Variants in PWWP3A observed in about 807,000 individuals in gnomAD.
PWWP3A encodes the protein PWWP domain-containing DNA repair factor 3A.
In PWWP3A, 53 loss-of-function variants were observed where a neutral mutation model predicts 79.0. The ratio of observed to expected loss-of-function variants is 0.67; its 90% confidence interval spans 0.54 to 0.84. PWWP3A has a LOEUF of 0.84. Among genes scored for constraint, PWWP3A ranks in the 40% least tolerant of loss-of-function variants. The pLI, the probability that PWWP3A is intolerant of heterozygous loss-of-function variation, is 0.00. For missense variants in PWWP3A, 973 were observed against 948.0 expected, an observed-to-expected ratio of 1.03 and a Z score of -0.35; for synonymous variants, 443 against 394.4, an observed-to-expected ratio of 1.12 and a Z score of -1.46.
chr19:1,372,019 T>A (rs1206335856), intron 12 of PWWP3A: 2 of 152,794 alleles, frequency 1.3e-5, no homozygotes, highest in African/African-American at 4.8e-5. Flanking sequence ...TTGGCCAGGA[T>A]GATCTTGATC....
At chr19:1,355,455 T>A in intron 1 of PWWP3A, among the ~76,000 whole-genome samples, 3 of 116,348 alleles carry the variant, frequency 2.6e-5, no homozygotes, top group East Asian at 2.4e-4. Flanking sequence ...ATCTCTTGCC[T>A]GGACCCCCAT....
intron 12 of PWWP3A, chr19:1,372,450 C>A (rs1568958714): frequency 6.7e-6 from 1 of 149,714 alleles, no homozygotes; most frequent in Non-Finnish European, 1.5e-5. Flanking sequence ...TCAGGATACT[C>A]TTTTTTTTTT....
chr19:1,368,457 G>A lies in PWWP3A; in HGVS notation c.1423-808G>A, dbSNP rs914491583. ...GTAGTCACCGTGGCTTCTGAGGGAT[G>A]ATATTGGGGAAGCCGTGCTTTAGGA... On this transcript the variant is annotated intron_variant, in intron 9 of 13. Transcript: ENST00000591337. This position sits in a 1 kb window ranked among gnomAD's most constrained non-coding sequence, Gnocchi z 4.7. Among the ~76,000 whole-genome samples the A allele has an allele frequency of 1.6e-4, 24 of 152,328 alleles. No homozygotes were observed. Among genetic ancestry groups the A allele is most frequent in the Admixed American group, 3.9e-4 (6 of 15,302 alleles).
chr19:1,357,379 G>T, intron 3 of PWWP3A: 2 of 217,606 alleles, frequency 9.2e-6, no homozygotes, highest in Non-Finnish European at 1.8e-5. Flanking sequence ...CCCTATTTGT[G>T]GTTAAAATAG....
chr19:1,355,509 C>T (rs1157677472), intron 1 of PWWP3A, among the ~76,000 whole-genome samples: 3 of 120,124 alleles, frequency 2.5e-5, no homozygotes, highest in Non-Finnish European at 5.2e-5. Context: ...AATCCCCCAT[C>T]CCTGCCACCT....
Position 1,371,048 on chromosome 19 carries a change from C to T in PWWP3A, c.1956C>T (p.Ile652=). The change falls in exon 12 of 14, where the codon ATC becomes ATT. Residue 652 remains isoleucine, a synonymous_variant. Coordinates refer to ENST00000591337, the MANE Select transcript of PWWP3A (RefSeq NM_001369789.1). ...TCCAGCGCACCAACGGCGACCGGAT[C>T]CGGTTCATTCTGGACGTGCTTCTGC... ...KVLQRTNGDR[I]RFILDVLLPE... 2.5e-6 allele frequency: 4 copies of T among 1,571,098 alleles called. No homozygotes were observed. Among genetic ancestry groups the T allele is most frequent in the Non-Finnish European group, 3.5e-6 (4 of 1,157,940 alleles).
At chr19:1,372,989 C>A in intron 12 of PWWP3A, 83 bp from the exon 13 acceptor site, 2 of 1,177,694 alleles carry the variant, frequency 1.7e-6, no homozygotes, top group Non-Finnish European at 2.5e-6. Context: ...GTGACCCAGG[C>A]TCCCTGCGGC....
Position 1,369,474 on chromosome 19 carries a change from G to T in PWWP3A, c.1499-122G>T, listed in dbSNP as rs1365074825. On this transcript the variant is annotated intron_variant, in intron 10 of 13. Coordinates refer to ENST00000591337, the MANE Select transcript of PWWP3A (RefSeq NM_001369789.1). The surrounding 1 kb of genome is among the most constrained non-coding windows in gnomAD (Gnocchi z 4.0). ...GGGCCTGGGGCATTCCCTGTGGGTG[G>T]GCTGGGGTTCTGGCCTGGCCTGATT... 2 of 1,490,006 alleles carry T rather than the reference G, an allele frequency of 1.3e-6. No individual in the cohort carries two copies. The highest frequency in any genetic ancestry group is 4.5e-5 in the East Asian group (2 of 44,162). 92.3% of individuals were successfully genotyped at this position (1,490,006 alleles called of 1,614,324 possible).
chr19:1,371,756 T>C (rs11882837), intron 12 of PWWP3A, among the ~76,000 whole-genome samples: 22 of 150,838 alleles, frequency 1.5e-4, no homozygotes, highest in African/African-American at 5.3e-4. Context: ...AACTCTAATG[T>C]GCCCATAACC....
chr19:1,366,581 G>C (rs937835801), intron 8 of PWWP3A, among the ~76,000 whole-genome samples, 200 bp downstream of exon 8: 4 of 152,234 alleles, frequency 2.6e-5, no homozygotes, highest in Admixed American at 6.5e-5. Flanking sequence ...GTCAGACAGA[G>C]GCTGGGTGTG....
chr19:1,365,188 T>C (rs888370095), intron 7 of PWWP3A, among the ~76,000 whole-genome samples: 15 of 152,242 alleles, frequency 9.9e-5, no homozygotes, highest in Non-Finnish European at 1.5e-4. Flanking sequence ...TTTCACCCCA[T>C]GAGAGCTCAT....
At chr19:1,362,051 C>T in intron 5 of PWWP3A, 199 bp from the exon 6 acceptor site, 3 of 408,594 alleles carry the variant, frequency 7.3e-6, no homozygotes, top group Non-Finnish European at 8.9e-6. Context: ...TTCCCTCCTT[C>T]CCTCCTTCCC....
chr19:1,357,855 G>C (rs2081915551), intron 3 of PWWP3A: 1 of 157,412 alleles, frequency 6.4e-6, no homozygotes, highest in Non-Finnish European at 1.4e-5. Context: ...CCAAGGCATT[G>C]GCTCCCCTGT....
At chr19:1,371,488 G>A (rs1163312186) in intron 12 of PWWP3A, 14 of 678,222 alleles carry the variant, frequency 2.1e-5, no homozygotes, top group Non-Finnish European at 2.4e-5. Context: ...ACTGTAAGTG[G>A]ATAATGCGCC....
At chr19:1,365,694 T>G (rs2082113575) in intron 7 of PWWP3A, among the ~76,000 whole-genome samples, 1 of 152,240 alleles carries the variant, frequency 6.6e-6, no homozygotes, top group Admixed American at 6.5e-5. Flanking sequence ...TGGTAGTCTT[T>G]CCCTTGTTTT....
At chr19:1,357,156 C>G in intron 3 of PWWP3A, 62 bp downstream of exon 3, 1 of 1,281,416 alleles carries the variant, frequency 7.8e-7, no homozygotes, top group Non-Finnish European at 1.1e-6. Context: ...ACTTCAATCC[C>G]CTACTCCCCC....
chr19:1,375,674 A>G (rs962071958), intron 13 of PWWP3A, among the ~76,000 whole-genome samples: 15 of 123,672 alleles, frequency 1.2e-4, no homozygotes, highest in Non-Finnish European at 2.0e-4. Context: ...TATAAAATGT[A>G]CAATTTTATA....
Position 1,360,554 on chromosome 19 carries a change from G to A in PWWP3A, c.633G>A (p.Trp211Ter). 1 of 1,614,208 alleles carries A rather than the reference G, an allele frequency of 6.2e-7. No individual in the cohort carries two copies. Among genetic ancestry groups the A allele is most frequent in the Non-Finnish European group, 8.5e-7 (1 of 1,180,036 alleles). ...GGTCCAGAATCCACCACAAAAATTG[G>A]ACTCTTGCAAGTAAGAGGGGAGGAA... ...ESGSRIHHKNWTLASKRGGNS... is the reference protein window; with the variant it reads ...ESGSRIHHKN The change falls in exon 5 of 14, where the codon TGG (tryptophan) becomes TGA (stop). Residue 211 changes from tryptophan to a stop codon, truncating the protein, a stop_gained. Coordinates refer to ENST00000591337, the MANE Select transcript of PWWP3A (RefSeq NM_001369789.1). LOFTEE classifies it high-confidence loss of function. The surrounding 1 kb of genome is among the most constrained non-coding windows in gnomAD (Gnocchi z 4.4).
intron 12 of PWWP3A, chr19:1,372,820 C>G: frequency 2.3e-6 from 1 of 429,950 alleles, no homozygotes; most frequent in Non-Finnish European, 4.1e-6. Flanking sequence ...GGGTTTGGGT[C>G]TTGCCTTTTC....
Sources: gnomAD v4.1 joint callset for allele counts (sites outside exome capture counted in the v4.1 genomes callset) on GRCh38, gnomAD v4.1.1 for gene constraint, Gnocchi (gnomAD v3.1) non-coding constraint, MANE v1.5 for transcripts, NCBI Gene and HGNC (gene_info 2026-07-23, HGNC 2026-07-21) for gene names.